The following STRN variants were observed in gnomAD, a reference collection of about 807,000 sequenced individuals.
STRN encodes the protein striatin, also known as protein phosphatase 2 regulatory subunit B'''alpha.
STRN carries 53 observed loss-of-function variants against 96.3 expected under a neutral mutation model. The ratio of observed to expected loss-of-function variants is 0.55; its 90% confidence interval spans 0.44 to 0.69. The LOEUF is 0.69. Ranked by LOEUF, STRN falls within the 30% of genes least tolerant of loss-of-function variation. The probability of loss-of-function intolerance (pLI) is 0.00; values close to 1 mark genes in which losing one functional copy is unlikely to be tolerated. For missense variants in STRN, 987 were observed against 963.9 expected, an observed-to-expected ratio of 1.02 and a Z score of -0.32; for synonymous variants, 428 against 355.9, an observed-to-expected ratio of 1.20 and a Z score of -2.28.
chr2:36,875,346 C>T (rs1291752006), intron 10 of STRN, among the ~76,000 whole-genome samples: 5 of 151,598 alleles, frequency 3.3e-5, no homozygotes, highest in Non-Finnish European at 1.5e-5. Context: ...CCCGTCTATA[C>T]AAAAAATTAA....
At chr2:36,862,235 CTT>C (rs903157822) in intron 12 of STRN, among the ~76,000 whole-genome samples, 5 of 152,274 alleles carry the variant, frequency 3.3e-5, no homozygotes, top group Non-Finnish European at 7.4e-5. Flanking sequence ...ATGCATGTGT[CTT>C]TATAGCAGAA....
intron 15 of STRN, among the ~76,000 whole-genome samples, chr2:36,852,933 G>C (rs530137424): frequency 6.6e-6 from 1 of 152,134 alleles, no homozygotes; most frequent in Non-Finnish European, 1.5e-5. Flanking sequence ...GAGGCAGGCG[G>C]ATCACTTGAG....
At chr2:36,849,662 T>G (rs1558619869) in intron 17 of STRN, 37 bp from the exon 18 acceptor site, 5 of 1,612,406 alleles carry the variant, frequency 3.1e-6, no homozygotes, top group Non-Finnish European at 4.2e-6. Flanking sequence ...AAAAATTACA[T>G]TAACATGAAA....
At position 36,924,535 on chromosome 2, in the gene STRN, G is replaced by T. The variant is rs6758635; in HGVS notation, c.338+570C>A. Reference sequence around the variant, plus strand: ...TAAAATGAATGGGTATTAACAGTTCGGGGAGCATATTTGCTTCTTCAAAAC... The same window carrying T: ...TAAAATGAATGGGTATTAACAGTTCTGGGAGCATATTTGCTTCTTCAAAAC... On this transcript the variant is annotated intron_variant, in intron 2 of 17. Transcript: ENST00000263918. Among the ~76,000 whole-genome samples, 921 of 152,018 alleles carry T rather than the reference G, an allele frequency of 6.1e-3. 10 individuals carry two copies. The highest frequency in any genetic ancestry group is 0.02 in the African/African-American group (827 of 41,470).
intron 1 of STRN, among the ~76,000 whole-genome samples, chr2:36,963,998 G>GAA (rs1277970478): frequency 4.2e-5 from 6 of 141,720 alleles, no homozygotes; most frequent in Admixed American, 4.2e-4. Flanking sequence ...CCAATAAAAG[G>GAA]AAAAAAAAAA....
At chr2:36,930,342 A>G (rs200223120) in intron 1 of STRN, among the ~76,000 whole-genome samples, 1 of 151,924 alleles carries the variant, frequency 6.6e-6, no homozygotes, top group Non-Finnish European at 1.5e-5. Context: ...TGAGACAGGA[A>G]AATTGCTTGA....
At chr2:36,909,143 T>C (rs1269318809) in intron 3 of STRN, among the ~76,000 whole-genome samples, 1 of 133,178 alleles carries the variant, frequency 7.5e-6, no homozygotes, top group African/African-American at 2.9e-5. Flanking sequence ...GCAACAGAGC[T>C]AGAGACTTCA....
chr2:36,934,082 C>A (rs895311842), intron 1 of STRN, among the ~76,000 whole-genome samples: 1 of 152,090 alleles, frequency 6.6e-6, no homozygotes, highest in Non-Finnish European at 1.5e-5. Flanking sequence ...GCACTCCAGC[C>A]TGGGTGACAG....
chr2:36,850,478 A>G (rs1370896882), intron 16 of STRN, among the ~76,000 whole-genome samples: 2 of 152,248 alleles, frequency 1.3e-5, no homozygotes, highest in Non-Finnish European at 2.9e-5. Context: ...AGTCAGTTTT[A>G]TAATACAGAA....
At chr2:36,907,043 T>C (rs752981724) in intron 3 of STRN, among the ~76,000 whole-genome samples, 8 of 152,186 alleles carry the variant, frequency 5.3e-5, no homozygotes, top group Admixed American at 1.3e-4. Context: ...GAATCCTTTT[T>C]AGAAGGTGAT....
At chr2:36,873,825 C>T (rs1668827116) in intron 10 of STRN, among the ~76,000 whole-genome samples, 1 of 151,772 alleles carries the variant, frequency 6.6e-6, no homozygotes, top group Non-Finnish European at 1.5e-5. Flanking sequence ...TGCCTGTAAT[C>T]TCAGCTACCC....
intron 10 of STRN, among the ~76,000 whole-genome samples, chr2:36,872,694 G>A (rs537308872): frequency 6.6e-6 from 1 of 152,288 alleles, no homozygotes; most frequent in Admixed American, 6.5e-5. Context: ...AGCTTTATCT[G>A]GAGAGAGGAC....
At chr2:36,917,061 A>AAT (rs1670121282) in intron 2 of STRN, among the ~76,000 whole-genome samples, 1 of 150,054 alleles carries the variant, frequency 6.7e-6, no homozygotes, top group East Asian at 1.9e-4. Context: ...ATAAAAAATA[A>AAT]AAATAAATAA....
At chr2:36,929,322 T>C (rs925100825) in intron 1 of STRN, among the ~76,000 whole-genome samples, 1 of 152,226 alleles carries the variant, frequency 6.6e-6, no homozygotes, top group African/African-American at 2.4e-5. Context: ...TCTGCATACA[T>C]AATATCTAAT....
chr2:36,963,999 A>C (rs991022759), intron 1 of STRN, among the ~76,000 whole-genome samples: 3 of 145,984 alleles, frequency 2.1e-5, no homozygotes, highest in African/African-American at 7.5e-5. Flanking sequence ...CAATAAAAGG[A>C]AAAAAAAAAA....
At position 36,847,105 on chromosome 2, in the gene STRN, G is replaced by C. The variant is rs191184300; in HGVS notation, c.*2351C>G. ...GAGATCATGCAGTGCTGGTAGAGAA[G>C]ACTCTCTCCGTAGTCTCCAATGCCA... On this transcript the variant is annotated 3_prime_UTR_variant, in exon 18 of 18. Transcript: ENST00000263918. 6.6e-6 allele frequency: 1 copy of C among 152,120 alleles called. No homozygotes were observed. The highest frequency in any genetic ancestry group is 2.1e-4 in the South Asian group (1 of 4,824). 9.4% of individuals were successfully genotyped at this position (152,120 alleles called of 1,614,324 possible).
chr2:36,866,728 T>C (rs1045490858), intron 12 of STRN, among the ~76,000 whole-genome samples: 1 of 152,228 alleles, frequency 6.6e-6, no homozygotes, highest in Non-Finnish European at 1.5e-5. Context: ...TAAATATATA[T>C]GTAAGATAGT....
intron 7 of STRN, among the ~76,000 whole-genome samples, chr2:36,888,076 C>T (rs560317000): frequency 2.0e-5 from 3 of 152,254 alleles, no homozygotes; most frequent in South Asian, 2.1e-4. Flanking sequence ...CAATTCCATA[C>T]GTGCACTTTT....
At chr2:36,963,548 T>C (rs551605457) in intron 1 of STRN, among the ~76,000 whole-genome samples, 66 of 152,236 alleles carry the variant, frequency 4.3e-4, no homozygotes, top group African/African-American at 1.5e-3. Context: ...CAGAGATTAC[T>C]GCAAACTCTT....
Sources: allele counts gnomAD v4.1 joint callset (sites outside exome capture counted in the v4.1 genomes callset), GRCh38; gene constraint gnomAD v4.1.1; transcripts MANE v1.5; gene names NCBI Gene and HGNC (gene_info 2026-07-23, HGNC 2026-07-21).